GPR158: variants seen among roughly 807,000 people sequenced by gnomAD.
GPR158 encodes the protein G protein-coupled receptor 158.
In GPR158, 30 loss-of-function variants were observed where a neutral mutation model predicts 78.2. That is an observed-to-expected ratio of 0.38 (90% CI 0.29 to 0.52). The LOEUF (loss-of-function observed/expected upper bound fraction) is 0.52, where lower values mean the gene tolerates loss of function less well. GPR158 is among the 20% of genes least tolerant of loss of function. The pLI is 0.83. For synonymous variants in GPR158, 581 were observed against 591.1 expected (o/e 0.98, Z 0.25); for missense variants, 1,463 against 1,523.5 (o/e 0.96, Z 0.66).
intron 5 of GPR158, among the ~76,000 whole-genome samples, chr10:25,530,831 C>T (rs1324153457): frequency 6.6e-6 from 1 of 152,172 alleles, no homozygotes; most frequent in East Asian, 1.9e-4. Flanking sequence ...GTACTAAGCC[C>T]TTTTCCAGCC....
chr10:25,522,911 G>T (rs1836297774), intron 5 of GPR158, among the ~76,000 whole-genome samples: 1 of 152,014 alleles, frequency 6.6e-6, no homozygotes, highest in Admixed American at 6.5e-5. Flanking sequence ...AGATGTCAAG[G>T]TTATATTAAT....
At chr10:25,491,363 G>A (rs1835806900) in intron 5 of GPR158, among the ~76,000 whole-genome samples, 1 of 152,042 alleles carries the variant, frequency 6.6e-6, no homozygotes, top group Non-Finnish European at 1.5e-5. Context: ...CTCTGCTATG[G>A]TAATTTTGGA....
chr10:25,292,160 G>C (rs181182835), intron 2 of GPR158, among the ~76,000 whole-genome samples: 1 of 151,844 alleles, frequency 6.6e-6, no homozygotes, highest in East Asian at 1.9e-4. Context: ...TGTATCAATT[G>C]GTTTATAAAA....
chr10:25,245,583 T>C (rs1853679660), intron 2 of GPR158, among the ~76,000 whole-genome samples: 1 of 152,170 alleles, frequency 6.6e-6, no homozygotes, highest in Admixed American at 6.5e-5. Context: ...TGTGACATCA[T>C]TGACAATCTC....
intron 2 of GPR158, among the ~76,000 whole-genome samples, chr10:25,372,036 A>G (rs1470205171): frequency 6.6e-6 from 1 of 151,882 alleles, no homozygotes; most frequent in African/African-American, 2.4e-5. Flanking sequence ...CCCGTCAAAA[A>G]GTGGGCGAAG....
At chr10:25,423,063 G>T (rs979190045) in intron 4 of GPR158, among the ~76,000 whole-genome samples, 1 of 150,734 alleles carries the variant, frequency 6.6e-6, no homozygotes, top group African/African-American at 2.5e-5. Context: ...GTATTCCACG[G>T]TATGTCTGTG....
chr10:25,199,446 C>G (rs1852889870), intron 1 of GPR158, among the ~76,000 whole-genome samples: 1 of 152,082 alleles, frequency 6.6e-6, no homozygotes, highest in South Asian at 2.1e-4. Flanking sequence ...TAATGGCCTC[C>G]AGCTCCATCC....
At chr10:25,220,910 G>A in intron 1 of GPR158, 142 bp from the exon 2 acceptor site, 1 of 589,898 alleles carries the variant, frequency 1.7e-6, no homozygotes, top group South Asian at 2.1e-5. Context: ...TCTTCTCTTG[G>A]TGCACTTTGG....
intron 5 of GPR158, among the ~76,000 whole-genome samples, chr10:25,489,061 T>C (rs763135194): frequency 1.8e-4 from 28 of 152,158 alleles, no homozygotes; most frequent in Non-Finnish European, 2.1e-4. Flanking sequence ...TAGAATTTCT[T>C]TGAAGTCAGG....
chr10:25,317,740 T>C (rs1297966367), intron 2 of GPR158, among the ~76,000 whole-genome samples: 2 of 145,754 alleles, frequency 1.4e-5, no homozygotes, highest in Non-Finnish European at 3.0e-5. Flanking sequence ...TGTTTTGTTT[T>C]GTTTTTGAGA....
rs187021829 is a variant in GPR158, at chr10:25,584,072, C to G, written c.1754-4935C>G. Among the ~76,000 whole-genome samples the G allele has an allele frequency of 2.0e-5, 3 of 152,138 alleles. No individual in the cohort carries two copies. In the South Asian group the frequency reaches 6.2e-4, roughly 32 times the overall value. ...ATTTTTCAAAGGCTATGGTAGTTAACTTTTAAACTGAGTGTTATTCCATAC... is the reference window on the plus strand; with the variant it reads ...ATTTTTCAAAGGCTATGGTAGTTAAGTTTTAAACTGAGTGTTATTCCATAC... On this transcript the variant is annotated intron_variant, in intron 7 of 10. Transcript: ENST00000376351.
At chr10:25,418,691 T>C (rs1042463931) in intron 4 of GPR158, among the ~76,000 whole-genome samples, 1 of 110,914 alleles carries the variant, frequency 9.0e-6, no homozygotes, top group African/African-American at 3.1e-5. Flanking sequence ...TTAGTATAAT[T>C]TATTTTCAGA....
intron 1 of GPR158, among the ~76,000 whole-genome samples, chr10:25,195,969 C>T (rs1455686373): frequency 6.6e-6 from 1 of 152,000 alleles, no homozygotes; most frequent in East Asian, 1.9e-4. Context: ...AATATTTTCT[C>T]CTTATGGAAA....
At chr10:25,285,328 A>G (rs1854335880) in intron 2 of GPR158, among the ~76,000 whole-genome samples, 1 of 151,866 alleles carries the variant, frequency 6.6e-6, no homozygotes, top group Non-Finnish European at 1.5e-5. Context: ...TCTGTCATCT[A>G]GCATCTGAGA....
intron 5 of GPR158, among the ~76,000 whole-genome samples, chr10:25,497,586 T>C (rs544942940): frequency 6.6e-6 from 1 of 152,310 alleles, no homozygotes; most frequent in East Asian, 1.9e-4. Context: ...GATAGGACTC[T>C]TCAGGAGAGA....
intron 2 of GPR158, among the ~76,000 whole-genome samples, chr10:25,362,668 G>C (rs1855657577): frequency 6.6e-6 from 1 of 151,738 alleles, no homozygotes; most frequent in African/African-American, 2.4e-5. Context: ...TAACTTCCTT[G>C]ATTAGGTTTA....
rs1279878573 is a variant in GPR158 at position 25,589,279 on chromosome 10, T to C, written c.1892+134T>C. The stretch of plus-strand genomic sequence containing the variant: ...CATTTTATAAGTGGACTAATTTCTT[T>C]TACAGATTTGGAAAATGAATAGTTT... On this transcript the variant is annotated intron_variant, in intron 8 of 10. Transcript: ENST00000376351. 5.3e-6 allele frequency: 3 copies of C among 569,580 alleles called. No individual in the cohort carries two copies. In the East Asian group the frequency reaches 8.6e-5, roughly 16 times the overall value. 35.3% of individuals were successfully genotyped at this position (569,580 alleles called of 1,614,324 possible).
chr10:25,487,171 C>T (rs1835745942), intron 5 of GPR158, among the ~76,000 whole-genome samples: 1 of 152,024 alleles, frequency 6.6e-6, no homozygotes, highest in Admixed American at 6.6e-5. Context: ...TCAACATGCT[C>T]ATCAGGTGAT....
At chr10:25,281,023 T>A (rs2130753464) in intron 2 of GPR158, among the ~76,000 whole-genome samples, 1 of 151,360 alleles carries the variant, frequency 6.6e-6, no homozygotes, top group South Asian at 2.1e-4. Flanking sequence ...TAATCTCAGA[T>A]ACTGGAGAGG....
Sources: gnomAD v4.1 joint callset for allele counts (sites outside exome capture counted in the v4.1 genomes callset) on GRCh38, gnomAD v4.1.1 for gene constraint, MANE v1.5 for transcripts, NCBI Gene and HGNC (gene_info 2026-07-23, HGNC 2026-07-21) for gene names.